HDAC8: variants seen among roughly 807,000 people sequenced by gnomAD.
HDAC8 encodes histone deacetylase-like 1.
HDAC8 carries 1 observed loss-of-function variant against 32.2 expected under a neutral mutation model. The ratio of observed to expected loss-of-function variants is 0.03; its 90% CI spans 0.01 to 0.15. The LOEUF (loss-of-function observed/expected upper bound fraction) is 0.15, where lower values mean the gene tolerates loss of function less well. HDAC8 is among the 10% of genes least tolerant of loss of function. The pLI is 1.00. For synonymous variants in HDAC8, 108 were observed against 113.9 expected, an observed-to-expected ratio of 0.95 and a Z score of 0.33; for missense variants, 117 against 300.0, an observed-to-expected ratio of 0.39 and a Z score of 4.51.
chrX:72,507,398 ATTTAAG>A (rs2049429606), intron 4 of HDAC8, among the ~76,000 whole-genome samples: 1 of 111,940 alleles, frequency 8.9e-6, no homozygotes, highest in African/African-American at 3.3e-5. Context: ...AAATGACAGT[ATTTAAG>A]TTTATCTGAG....
intron 9 of HDAC8, among the ~76,000 whole-genome samples, chrX:72,387,471 C>T (rs1555961919): frequency 9.0e-6 from 1 of 111,663 alleles, no homozygotes; most frequent in East Asian, 2.8e-4. Context: ...AAAGCAGCTC[C>T]CAGGCTCCAA....
In HDAC8 at chrX:72,394,072, G is replaced by A. The variant is rs186155820; in HGVS notation, c.1006-42234C>T. 2.7e-5 allele frequency among the ~76,000 whole-genome samples: 3 copies of A among 111,620 alleles called. No homozygotes were observed. In the East Asian group the frequency reaches 8.5e-4, roughly 32 times the overall value. On this transcript the variant is annotated intron_variant, in intron 9 of 10. Coordinates refer to ENST00000373573, the MANE Select transcript of HDAC8 (RefSeq NM_018486.3). The stretch of plus-strand genomic sequence containing the variant: ...ATGACTGCCTTCTCCTCACTTCAGA[G>A]CAGAGTTGTGGGGAGTCATCAGATA...
rs1247271390 is a variant in HDAC8, at chrX:72,409,273, T to C, written c.1005+52731A>G. On this transcript the variant is annotated intron_variant, in intron 9 of 10. Coordinates refer to ENST00000373573, the MANE Select transcript of HDAC8 (RefSeq NM_018486.3). Reference sequence around the variant, plus strand: ...ACTTTATAGATGTCTTCTTCTCTCTTCCCTCTGCCTTCACGTTGGTTCAAG... The same window carrying C: ...ACTTTATAGATGTCTTCTTCTCTCTCCCCTCTGCCTTCACGTTGGTTCAAG... Among the ~76,000 whole-genome samples, 3 of 112,016 alleles carry C rather than the reference T, an allele frequency of 2.7e-5. No homozygotes were observed. The East Asian group carries it at 8.4e-4, about 31-fold the overall frequency.
intron 9 of HDAC8, among the ~76,000 whole-genome samples, chrX:72,459,527 A>T (rs965000225): frequency 9.0e-6 from 1 of 110,624 alleles, no homozygotes; most frequent in African/African-American, 3.3e-5. Flanking sequence ...TGACCTTTTC[A>T]CCTACTAGAT....
rs782393235 is a variant in HDAC8, at chrX:72,459,483, G to A, written c.1005+2521C>T. Among the ~76,000 whole-genome samples the A allele has an allele frequency of 8.2e-5, 9 of 110,415 alleles. No homozygotes were observed. The South Asian group carries it at 3.6e-3, about 44-fold the overall frequency. ...CAAGACTGAGAGCGAAGAGAGTGAGGTCAGCCCGGCTGCAACTGACCACTG... is the reference window on the plus strand; with the variant it reads ...CAAGACTGAGAGCGAAGAGAGTGAGATCAGCCCGGCTGCAACTGACCACTG... On this transcript the variant is annotated intron_variant, in intron 9 of 10. Transcript: ENST00000373573.
chrX:72,491,950 C>T (rs1236418690), intron 5 of HDAC8, among the ~76,000 whole-genome samples: 1 of 111,663 alleles, frequency 9.0e-6, no homozygotes, highest in Non-Finnish European at 1.9e-5. Flanking sequence ...TTTCAGTCTT[C>T]ACTACAGCCC....
chrX:72,385,886 A>T (rs1229390436), intron 9 of HDAC8, among the ~76,000 whole-genome samples: 1 of 112,014 alleles, frequency 8.9e-6, no homozygotes, highest in Non-Finnish European at 1.9e-5. Flanking sequence ...TACTCACTGT[A>T]CTCTACCGCC....
intron 9 of HDAC8, among the ~76,000 whole-genome samples, chrX:72,441,870 G>A (rs1166458162): frequency 8.9e-6 from 1 of 112,096 alleles, no homozygotes; most frequent in African/African-American, 3.2e-5. Flanking sequence ...GCCAAGGCTC[G>A]AGAACTATGT....
At chrX:72,475,235 G>A (rs2048298288) in intron 7 of HDAC8, among the ~76,000 whole-genome samples, 1 of 112,093 alleles carries the variant, frequency 8.9e-6, no homozygotes, top group Non-Finnish European at 1.9e-5. Context: ...AAACCAAGAA[G>A]GGTAGGATGC....
chrX:72,561,069 AT>A (rs2051545717), intron 4 of HDAC8, among the ~76,000 whole-genome samples: 1 of 112,313 alleles, frequency 8.9e-6, no homozygotes, highest in Non-Finnish European at 1.9e-5. Context: ...ATGAAAACAC[AT>A]TCCATGCTCA....
At chrX:72,539,558 A>G (rs1964466688) in intron 4 of HDAC8, among the ~76,000 whole-genome samples, 1 of 111,400 alleles carries the variant, frequency 9.0e-6, no homozygotes, top group Admixed American at 9.5e-5. Flanking sequence ...CAATTTTTCT[A>G]TAAATCTAAA....
At chrX:72,446,179 T>G (rs1410363688) in intron 9 of HDAC8, among the ~76,000 whole-genome samples, 78 of 112,296 alleles carry the variant, frequency 6.9e-4, no homozygotes, top group African/African-American at 2.4e-3. Context: ...GCCATCCCAT[T>G]ACTGGGTATA....
At chrX:72,533,191 A>G (rs1173333780) in intron 4 of HDAC8, among the ~76,000 whole-genome samples, 1 of 111,598 alleles carries the variant, frequency 9.0e-6, no homozygotes, top group Non-Finnish European at 1.9e-5. Flanking sequence ...TTATTTGTCA[A>G]TTCTCAGTTC....
intron 9 of HDAC8, among the ~76,000 whole-genome samples, chrX:72,424,849 T>C (rs2046591260): frequency 8.9e-6 from 1 of 112,403 alleles, no homozygotes; most frequent in Non-Finnish European, 1.9e-5. Flanking sequence ...TTACTTAGAA[T>C]AATGTTTTTG....
At chrX:72,383,869 CAAA>C (rs782518910) in intron 9 of HDAC8, among the ~76,000 whole-genome samples, 3 of 29,544 alleles carry the variant, frequency 1.0e-4, no homozygotes, top group Non-Finnish European at 2.1e-4. Context: ...GATGCCATCT[CAAA>C]AAAAAAAAAA....
At chrX:72,553,040 CTATT>C (rs782764036) in intron 4 of HDAC8, among the ~76,000 whole-genome samples, 173 of 110,022 alleles carry the variant, frequency 1.6e-3, no homozygotes, top group African/African-American at 5.3e-3. Context: ...ACTAGCCACC[CTATT>C]TATTTATTTA....
intron 10 of HDAC8, among the ~76,000 whole-genome samples, chrX:72,345,843 G>A (rs1555946764): frequency 9.1e-6 from 1 of 110,106 alleles, no homozygotes; most frequent in South Asian, 4.0e-4. Flanking sequence ...AACCACATCC[G>A]GCTAATTTTT....
At chrX:72,537,877 A>C (rs1333806202) in intron 4 of HDAC8, among the ~76,000 whole-genome samples, 2 of 112,134 alleles carry the variant, frequency 1.8e-5, no homozygotes, top group Non-Finnish European at 3.8e-5. Flanking sequence ...AAGACAGTAC[A>C]TGAAAGGCAT....
At chrX:72,490,700 A>C (rs965626267) in intron 6 of HDAC8, among the ~76,000 whole-genome samples, 2 of 107,993 alleles carry the variant, frequency 1.9e-5, no homozygotes, top group African/African-American at 3.4e-5. Context: ...ACGTGTATAC[A>C]TATGTAACTA....
Sources: gnomAD v4.1 joint callset for allele counts (sites outside exome capture counted in the v4.1 genomes callset) on GRCh38, gnomAD v4.1.1 for gene constraint, MANE v1.5 for transcripts, NCBI Gene and HGNC (gene_info 2026-07-23, HGNC 2026-07-21) for gene names.